GNA12: variants seen among roughly 807,000 people sequenced by gnomAD.
The protein encoded by GNA12 is guanine nucleotide-binding protein subunit alpha-12.
Under a neutral mutation model 26.0 loss-of-function variants are expected in GNA12, and 9 were observed. The ratio of observed to expected loss-of-function variants is 0.35; its 90% CI spans 0.21 to 0.60. The LOEUF (loss-of-function observed/expected upper bound fraction) is 0.60. Ranked by LOEUF, GNA12 falls within the 20% of genes least tolerant of loss-of-function variation. The pLI is 0.78. For synonymous variants in GNA12, 264 were observed against 219.6 expected, an observed-to-expected ratio of 1.20 and a Z score of -1.79; for missense variants, 405 against 525.8, an observed-to-expected ratio of 0.77 and a Z score of 2.25.
At chr7:2,839,353 T>G (rs1444613445) in intron 1 of GNA12, among the ~76,000 whole-genome samples, 1 of 151,956 alleles carries the variant, frequency 6.6e-6, no homozygotes. Context: ...CCCACCCGCC[T>G]CCCAGGTTCA....
chr7:2,762,396 G>C (rs569654619), intron 2 of GNA12: 363 of 455,190 alleles, frequency 8.0e-4, no homozygotes, highest in Non-Finnish European at 1.2e-3. Flanking sequence ...TTTCCTCACT[G>C]AGGAAACCAA....
intron 2 of GNA12, among the ~76,000 whole-genome samples, chr7:2,788,856 C>T (rs377468053): frequency 2.6e-5 from 4 of 152,096 alleles, no homozygotes; most frequent in African/African-American, 9.7e-5. Context: ...TGCACACACA[C>T]GTTGCACAGG....
intron 2 of GNA12, among the ~76,000 whole-genome samples, chr7:2,746,883 A>T (rs528376959): frequency 6.6e-6 from 1 of 152,222 alleles, no homozygotes; most frequent in Non-Finnish European, 1.5e-5. Flanking sequence ...AGAGAATACT[A>T]TCAACACCTC....
chr7:2,841,679 G>C (rs982470446), intron 1 of GNA12, among the ~76,000 whole-genome samples: 2 of 152,200 alleles, frequency 1.3e-5, no homozygotes, highest in Non-Finnish European at 2.9e-5. Flanking sequence ...TCCATGAGAA[G>C]TATGTCAAGT....
At chr7:2,818,084 C>T (rs943277903) in intron 1 of GNA12, among the ~76,000 whole-genome samples, 4 of 152,170 alleles carry the variant, frequency 2.6e-5, no homozygotes, top group African/African-American at 4.8e-5. Flanking sequence ...TCAATGAACA[C>T]GGAATGACTC....
At chr7:2,763,193 CACACACACACA>C in intron 2 of GNA12, 2 of 93,014 alleles carry the variant, frequency 2.2e-5, no homozygotes, top group Non-Finnish European at 4.5e-5. Flanking sequence ...GACACCCCAA[CACACACACACA>C]CACACACACA....
chr7:2,812,564 G>A (rs1177817198), intron 1 of GNA12, among the ~76,000 whole-genome samples: 3 of 150,130 alleles, frequency 2.0e-5, no homozygotes, highest in African/African-American at 4.9e-5. Flanking sequence ...AGGAGGCAGA[G>A]GTTGCAGTGA....
chr7:2,800,890 A>G (rs1469313866), intron 1 of GNA12, among the ~76,000 whole-genome samples: 1 of 152,108 alleles, frequency 6.6e-6, no homozygotes, highest in African/African-American at 2.4e-5. Context: ...TGACTACACC[A>G]CACCAAACTC....
chr7:2,757,095 G>T (rs1272561515), intron 2 of GNA12, among the ~76,000 whole-genome samples: 1 of 149,796 alleles, frequency 6.7e-6, no homozygotes, highest in East Asian at 2.0e-4. Context: ...AAAAAAGGAG[G>T]TGACCTTGGC....
At position 2,748,988 on chromosome 7, in the gene GNA12, G is replaced by A. The variant is rs547139198; in HGVS notation, c.526-15487C>T. Among the ~76,000 whole-genome samples, 1,427 of 152,234 alleles carry A rather than the reference G, an allele frequency of 9.4e-3. 13 individuals are homozygous for A. Among genetic ancestry groups the A allele is most frequent in the Middle Eastern group, 0.075 (22 of 294 alleles). On this transcript the variant is annotated intron_variant, in intron 2 of 3. Coordinates refer to ENST00000275364, the MANE Select transcript of GNA12 (RefSeq NM_007353.3). Reference sequence around the variant, plus strand: ...GCCATTTCACACCAGTTAGAATGGTGATCATTAAAAAGTCAGGAAACAACA... The same window carrying A: ...GCCATTTCACACCAGTTAGAATGGTAATCATTAAAAAGTCAGGAAACAACA...
intron 1 of GNA12, among the ~76,000 whole-genome samples, chr7:2,827,957 C>T (rs996378277): frequency 1.3e-5 from 2 of 151,930 alleles, no homozygotes; most frequent in Non-Finnish European, 2.9e-5. Context: ...AGAAAAAGGG[C>T]GTCTTACTTT....
At chr7:2,781,926 G>C (rs540716087) in intron 2 of GNA12, among the ~76,000 whole-genome samples, 1 of 152,206 alleles carries the variant, frequency 6.6e-6, no homozygotes, top group South Asian at 2.1e-4. Flanking sequence ...CAAAGCTACA[G>C]TAATCAAAGT....
chr7:2,750,838 G>A (rs528256832), intron 2 of GNA12, among the ~76,000 whole-genome samples: 5 of 152,312 alleles, frequency 3.3e-5, no homozygotes, highest in African/African-American at 1.2e-4. Flanking sequence ...CGGATATGGC[G>A]AAAGTTTTAG....
At position 2,843,359 on chromosome 7, in the gene GNA12, G is replaced by A. The variant is rs374287046; in HGVS notation, c.309+494C>T. Among the ~76,000 whole-genome samples the A allele has an allele frequency of 6.4e-4, 98 of 152,122 alleles. 2 individuals are homozygous for A. The South Asian group carries it at 0.02, about 31-fold the overall frequency. On this transcript the variant is annotated intron_variant, in intron 1 of 3. Coordinates refer to ENST00000275364, the MANE Select transcript of GNA12 (RefSeq NM_007353.3). ...CCCAGGCACCCTAGAGAGGGCAGAG[G>A]CAGACCGGGCGCCATGACTCATGCC...
intron 2 of GNA12, among the ~76,000 whole-genome samples, chr7:2,743,892 G>A (rs112033675): frequency 0.022 from 3,304 of 151,996 alleles, 129 homozygotes; most frequent in African/African-American, 0.075. Context: ...TGGCTCGGAG[G>A]GTCCTACACC....
At chr7:2,765,059 G>C (rs1200408283) in intron 2 of GNA12, 2 of 152,060 alleles carry the variant, frequency 1.3e-5, no homozygotes, top group African/African-American at 2.4e-5. Flanking sequence ...TCTGAATCCA[G>C]GGAATCCCAA....
chr7:2,731,798 C>G lies in GNA12; in HGVS notation c.577-48G>C, dbSNP rs761117102. On this transcript the variant is annotated intron_variant, in intron 3 of 3. Coordinates refer to ENST00000275364, the MANE Select transcript of GNA12 (RefSeq NM_007353.3). This position sits in a 1 kb window ranked among gnomAD's most constrained non-coding sequence, Gnocchi z 6.0. ...GAAATTTAGGGGGAGGAAGAAAGAA[C>G]AGAGAAAATAGAAACAAAAAGATGG... 1.6e-5 allele frequency: 16 copies of G among 986,464 alleles called. No individual in the cohort carries two copies. The highest frequency in any genetic ancestry group is 9.7e-5 in the African/African-American group (6 of 62,162). The allele number at this position is 986,464 out of a possible 1,614,324, so 61.1% of individuals were successfully genotyped here.
intron 1 of GNA12, among the ~76,000 whole-genome samples, chr7:2,837,751 G>C (rs905875710): frequency 1.3e-5 from 2 of 151,824 alleles, no homozygotes; most frequent in African/African-American, 4.8e-5. Context: ...GATCGTTAAA[G>C]AATGGCTAAA....
chr7:2,747,049 T>G (rs1002702983), intron 2 of GNA12, among the ~76,000 whole-genome samples: 1 of 151,948 alleles, frequency 6.6e-6, no homozygotes. Flanking sequence ...CCAAAAAAAG[T>G]CCAGGAGCAG....
Sources: gnomAD v4.1 joint callset for allele counts (sites outside exome capture counted in the v4.1 genomes callset) on GRCh38, gnomAD v4.1.1 for gene constraint, Gnocchi (gnomAD v3.1) non-coding constraint, MANE v1.5 for transcripts, NCBI Gene and HGNC (gene_info 2026-07-23, HGNC 2026-07-21) for gene names.